PLCL2: variants seen among roughly 807,000 people sequenced by gnomAD.
PLCL2 encodes inactive phospholipase C-like protein 2.
In PLCL2, 4 loss-of-function variants were observed where a neutral mutation model predicts 79.6. That is an observed-to-expected ratio of 0.05 (90% confidence interval 0.02 to 0.11). PLCL2 has a LOEUF of 0.11. Among genes scored for constraint, PLCL2 ranks in the 10% least tolerant of loss-of-function variants. PLCL2 has a pLI of 1.00. For missense variants in PLCL2, 895 were observed against 1,291.0 expected (o/e 0.69, Z 4.70); for synonymous variants, 484 against 457.7 (o/e 1.06, Z -0.73).
chr3:16,966,057 G>A (rs1483373344), intron 1 of PLCL2, among the ~76,000 whole-genome samples: 3 of 151,878 alleles, frequency 2.0e-5, no homozygotes, highest in Non-Finnish European at 2.9e-5. Flanking sequence ...ACACTATGTT[G>A]AATAGGAGTG....
intron 1 of PLCL2, among the ~76,000 whole-genome samples, chr3:16,934,409 T>G (rs776237498): frequency 6.6e-6 from 1 of 152,142 alleles, no homozygotes; most frequent in Non-Finnish European, 1.5e-5. Context: ...GGAACTGTGT[T>G]CTAGGAGAGG....
In PLCL2 at chr3:17,004,260, C is replaced by T. The variant is rs182431111; in HGVS notation, c.328-5414C>T. On this transcript the variant is annotated intron_variant, in intron 1 of 5. Coordinates refer to ENST00000615277, the MANE Select transcript of PLCL2 (RefSeq NM_001144382.2). ...TGTTTTGGCTTTCTGTGTTGTAAAC[C>T]GCCATCTAAACTTTACTTGCCCCCA... is the stretch of plus-strand genomic sequence containing the variant. Among the ~76,000 whole-genome samples, 317 of 152,182 alleles carry T rather than the reference C, an allele frequency of 2.1e-3. 1 individual carries two copies. The highest frequency in any genetic ancestry group is 5.8e-3 in the African/African-American group (240 of 41,512).
At chr3:17,019,441 C>T (rs552855945) in intron 3 of PLCL2, among the ~76,000 whole-genome samples, 11 of 152,254 alleles carry the variant, frequency 7.2e-5, no homozygotes, top group African/African-American at 2.2e-4. Flanking sequence ...ATGGCAGAAC[C>T]GGGGTTGGCA....
At chr3:17,020,890 A>G (rs537102270) in intron 3 of PLCL2, among the ~76,000 whole-genome samples, 1 of 152,164 alleles carries the variant, frequency 6.6e-6, no homozygotes. Context: ...GTATGGTGTC[A>G]TATACTTTTT....
intron 3 of PLCL2, among the ~76,000 whole-genome samples, chr3:17,016,100 T>A (rs1220226705): frequency 6.6e-6 from 1 of 152,202 alleles, no homozygotes; most frequent in East Asian, 1.9e-4. Context: ...AACCTTTTAT[T>A]TGCTATCACC....
Position 16,955,043 on chromosome 3 carries a change from T to G in PLCL2, c.328-54631T>G, listed in dbSNP as rs1381713199. 4.0e-4 allele frequency among the ~76,000 whole-genome samples: 61 copies of G among 152,246 alleles called. 1 individual carries two copies. Among genetic ancestry groups the G allele is most frequent in the Admixed American group, 1.6e-3 (24 of 15,296 alleles). On this transcript the variant is annotated intron_variant, in intron 1 of 5. Coordinates refer to ENST00000615277, the MANE Select transcript of PLCL2 (RefSeq NM_001144382.2). ...CTCTTTAGTTTAATTAGATCCCATT[T>G]GTCAATTTTGGCTTTTGTTGCCATT...
intron 1 of PLCL2, among the ~76,000 whole-genome samples, chr3:16,963,886 A>G (rs755031402): frequency 2.0e-5 from 3 of 152,064 alleles, no homozygotes; most frequent in African/African-American, 2.4e-5. Context: ...ACTACTGAGC[A>G]CAGGCAGGAA....
intron 4 of PLCL2, among the ~76,000 whole-genome samples, chr3:17,049,518 C>T (rs2064816808): frequency 6.6e-6 from 1 of 152,116 alleles, no homozygotes; most frequent in Non-Finnish European, 1.5e-5. Flanking sequence ...AAATCAGTAG[C>T]ATTTCTATAT....
intron 1 of PLCL2, among the ~76,000 whole-genome samples, chr3:16,902,957 A>T (rs1696663700): frequency 6.6e-6 from 1 of 151,584 alleles, no homozygotes; most frequent in African/African-American, 2.4e-5. Flanking sequence ...AACCTTCATT[A>T]ATCTTTGAGT....
intron 1 of PLCL2, among the ~76,000 whole-genome samples, chr3:16,934,468 G>A (rs551045849): frequency 1.1e-4 from 16 of 152,336 alleles, no homozygotes; most frequent in African/African-American, 3.6e-4. Context: ...AGCTTCAGAA[G>A]TGTATCTGTT....
chr3:17,013,968 A>G (rs962112169), intron 2 of PLCL2, among the ~76,000 whole-genome samples: 1 of 152,198 alleles, frequency 6.6e-6, no homozygotes, highest in African/African-American at 2.4e-5. Context: ...GATTAAATGG[A>G]AGTAATGTGT....
intron 1 of PLCL2, among the ~76,000 whole-genome samples, chr3:16,891,203 C>T (rs1696341233): frequency 6.6e-6 from 1 of 152,126 alleles, no homozygotes; most frequent in African/African-American, 2.4e-5. Context: ...TCCTGGCTTC[C>T]CTGGTTCCTT....
chr3:16,979,471 A>G lies in PLCL2; in HGVS notation c.328-30203A>G, dbSNP rs1267028465. ...ACAAAGGTCTCTGGTTTTCCTAGGC[A>G]GAGGACCCTGTGGCCTTCCGCAGTG... is the stretch of plus-strand genomic sequence containing the variant. On this transcript the variant is annotated intron_variant, in intron 1 of 5. Coordinates refer to ENST00000615277, the MANE Select transcript of PLCL2 (RefSeq NM_001144382.2). Among the ~76,000 whole-genome samples the G allele has an allele frequency of 3.3e-5, 3 of 91,868 alleles. 1 individual carries two copies. Among genetic ancestry groups the G allele is most frequent in the Non-Finnish European group, 6.4e-5 (3 of 46,880 alleles). The allele number at this position is 91,868 out of a possible 152,430, so 60.3% of individuals were successfully genotyped here. A position where few individuals can be genotyped will look rare whatever the true frequency, so the allele number is the denominator to read the frequency against.
chr3:16,955,302 T>C (rs966287786), intron 1 of PLCL2, among the ~76,000 whole-genome samples: 7 of 152,238 alleles, frequency 4.6e-5, no homozygotes, highest in African/African-American at 1.7e-4. Flanking sequence ...TCCCATTTCT[T>C]GTTTTTCTCA....
Position 16,986,092 on chromosome 3 carries a change from G to T in PLCL2, c.328-23582G>T, listed in dbSNP as rs560183671. Among the ~76,000 whole-genome samples the T allele has an allele frequency of 1.1e-4, 17 of 152,210 alleles. No individual in the cohort carries two copies. In the South Asian group the frequency reaches 3.5e-3, roughly 32 times the overall value. ...TCCAACCAATATGAACAGGCACAAGGAGCTGTAGGGGGAAAGCAGCCAGCC... is the reference window on the plus strand; with the variant it reads ...TCCAACCAATATGAACAGGCACAAGTAGCTGTAGGGGGAAAGCAGCCAGCC... On this transcript the variant is annotated intron_variant, in intron 1 of 5. Transcript: ENST00000615277.
At chr3:16,958,189 C>T (rs1035719318) in intron 1 of PLCL2, among the ~76,000 whole-genome samples, 3 of 152,022 alleles carry the variant, frequency 2.0e-5, no homozygotes, top group Non-Finnish European at 2.9e-5. Context: ...TCCACATATA[C>T]ATTTTTTGAG....
chr3:16,976,373 T>C (rs1012092164), intron 1 of PLCL2, among the ~76,000 whole-genome samples: 2 of 152,132 alleles, frequency 1.3e-5, no homozygotes, highest in Admixed American at 6.5e-5. Context: ...AGTCTTAAAT[T>C]CAAAGGCTGG....
chr3:17,076,996 A>C (rs548946996), intron 5 of PLCL2, among the ~76,000 whole-genome samples: 1 of 152,228 alleles, frequency 6.6e-6, no homozygotes, highest in East Asian at 1.9e-4. Context: ...ATATATTCAC[A>C]ATAGCCGTTT....
At chr3:17,037,478 C>A (rs1484470655) in intron 3 of PLCL2, among the ~76,000 whole-genome samples, 1 of 152,190 alleles carries the variant, frequency 6.6e-6, no homozygotes, top group Non-Finnish European at 1.5e-5. Flanking sequence ...AGTTTTTTTA[C>A]TGTCTAGCCT....
Sources: allele counts gnomAD v4.1 joint callset (sites outside exome capture counted in the v4.1 genomes callset), GRCh38; gene constraint gnomAD v4.1.1; transcripts MANE v1.5; gene names NCBI Gene and HGNC (gene_info 2026-07-23, HGNC 2026-07-21).